Variants in LZTS1 observed in about 807,000 individuals in gnomAD.
LZTS1 encodes leucine zipper putative tumor suppressor 1.
In LZTS1, 31 loss-of-function variants were observed where a neutral mutation model predicts 45.8. That is an observed-to-expected ratio of 0.68 (90% confidence interval 0.51 to 0.91). The LOEUF (loss-of-function observed/expected upper bound fraction) is 0.91. Ranked by LOEUF, LZTS1 falls within the 40% of genes least tolerant of loss-of-function variation. The pLI is 0.00. For synonymous variants in LZTS1, 359 were observed against 357.3 expected (o/e 1.00, Z -0.05); for missense variants, 821 against 788.9 (o/e 1.04, Z -0.49).
chr8:20,298,485 G>C (rs1271979072), intron 1 of LZTS1, among the ~76,000 whole-genome samples: 1 of 152,134 alleles, frequency 6.6e-6, no homozygotes, highest in African/African-American at 2.4e-5. Context: ...TTTTTAAAGT[G>C]TAAAGTCCTG....
intron 1 of LZTS1, among the ~76,000 whole-genome samples, chr8:20,297,130 G>A (rs1800990948): frequency 6.6e-6 from 1 of 152,160 alleles, no homozygotes; most frequent in African/African-American, 2.4e-5. Context: ...TGAGCTACCA[G>A]TGAAGAGACT....
intron 1 of LZTS1, among the ~76,000 whole-genome samples, chr8:20,303,238 T>C (rs1038743986): frequency 6.6e-6 from 1 of 152,112 alleles, no homozygotes; most frequent in Non-Finnish European, 1.5e-5. Context: ...TTCAAATCTC[T>C]GGCTGCAACG....
chr8:20,251,386 C>T (rs545424508), intron 3 of LZTS1, among the ~76,000 whole-genome samples: 88 of 151,958 alleles, frequency 5.8e-4, no homozygotes, highest in African/African-American at 2.0e-3. Flanking sequence ...CGGATTTTCT[C>T]CAGGACTGTG....
intron 1 of LZTS1, among the ~76,000 whole-genome samples, chr8:20,294,747 G>A (rs556262024): frequency 2.0e-5 from 3 of 152,148 alleles, no homozygotes; most frequent in South Asian, 2.1e-4. Context: ...CAATAAATAA[G>A]GGAAGCTACC....
intron 1 of LZTS1, among the ~76,000 whole-genome samples, chr8:20,282,700 T>C (rs1800717477): frequency 6.6e-6 from 1 of 152,218 alleles, no homozygotes; most frequent in Non-Finnish European, 1.5e-5. Context: ...CTACATTCTA[T>C]GTGCCAGTTG....
intron 1 of LZTS1, among the ~76,000 whole-genome samples, chr8:20,280,685 G>C (rs1800671795): frequency 1.3e-5 from 2 of 152,158 alleles, no homozygotes; most frequent in African/African-American, 4.8e-5. Context: ...AGAGCAGGGA[G>C]GGAGGAAGGG....
At chr8:20,278,459 C>T (rs917707098) in intron 1 of LZTS1, among the ~76,000 whole-genome samples, 10 of 152,168 alleles carry the variant, frequency 6.6e-5, no homozygotes, top group African/African-American at 2.2e-4. Flanking sequence ...CAACATAAGA[C>T]CCCAGGTCAA....
intron 1 of LZTS1, among the ~76,000 whole-genome samples, chr8:20,286,965 G>A (rs1021578386): frequency 6.6e-6 from 1 of 152,092 alleles, no homozygotes; most frequent in East Asian, 1.9e-4. Flanking sequence ...GTTTCCGGGG[G>A]GTACTTTTAA....
At chr8:20,276,871 T>C (rs1465146991) in intron 1 of LZTS1, among the ~76,000 whole-genome samples, 3 of 152,158 alleles carry the variant, frequency 2.0e-5, no homozygotes, top group Admixed American at 2.0e-4. Context: ...TGTTACGGTG[T>C]TAGATCAGAG....
chr8:20,270,217 G>A (rs1320000203), intron 1 of LZTS1, among the ~76,000 whole-genome samples: 2 of 152,274 alleles, frequency 1.3e-5, no homozygotes, highest in African/African-American at 4.8e-5. Flanking sequence ...GGGCAGAGCT[G>A]GGCTGGAAGC....
At chr8:20,262,961 G>C (rs1800274030) in intron 1 of LZTS1, among the ~76,000 whole-genome samples, 1 of 152,198 alleles carries the variant, frequency 6.6e-6, no homozygotes, top group Non-Finnish European at 1.5e-5. Context: ...TTCCTCACTT[G>C]TAATATGAAG....
At chr8:20,288,554 C>T (rs1800839227) in intron 1 of LZTS1, among the ~76,000 whole-genome samples, 1 of 152,220 alleles carries the variant, frequency 6.6e-6, no homozygotes, top group Non-Finnish European at 1.5e-5. Flanking sequence ...TGTTACTACC[C>T]CAACTGATGG....
intron 1 of LZTS1, among the ~76,000 whole-genome samples, chr8:20,270,910 G>A (rs1421169593): frequency 6.6e-6 from 1 of 151,838 alleles, no homozygotes; most frequent in African/African-American, 2.4e-5. Context: ...AACCCAGAAA[G>A]GATTGGAATT....
In LZTS1 at chr8:20,252,884, G is replaced by C. The variant is rs748857758; in HGVS notation, c.1047C>G (p.Leu349=). 21 of 1,610,888 alleles carry C rather than the reference G, an allele frequency of 1.3e-5. No individual in the cohort carries two copies. Among genetic ancestry groups the C allele is most frequent in the Admixed American group, 1.7e-5 (1 of 59,862 alleles). Residue 349 remains leucine (L), a synonymous_variant, in exon 3 of 4, where the codon CTC becomes CTG. Coordinates refer to ENST00000381569, the MANE Select transcript of LZTS1 (RefSeq NM_021020.5). ...GGTCCTGCTCCTTCATGAGGCTCTC[G>C]AGCTCCTGCCGGAGCTGCCGCTTCT... The part of the protein sequence containing the change: ...QQEKRQLRQE[L]ESLMKEQDLL...
intron 3 of LZTS1, 60 bp downstream of exon 3, chr8:20,252,722 A>C: frequency 7.1e-7 from 1 of 1,407,684 alleles, no homozygotes; most frequent in South Asian, 1.6e-5. Context: ...CCAGAAGGAG[A>C]GGGGGGTACT....
intron 1 of LZTS1, among the ~76,000 whole-genome samples, chr8:20,261,174 G>A (rs1021025130): frequency 6.6e-6 from 1 of 152,318 alleles, no homozygotes; most frequent in South Asian, 2.1e-4. Flanking sequence ...TCAGGAAGGG[G>A]ACAGGAGGAG....
intron 1 of LZTS1, among the ~76,000 whole-genome samples, chr8:20,264,914 C>G (rs1800316303): frequency 6.6e-6 from 1 of 152,146 alleles, no homozygotes; most frequent in Non-Finnish European, 1.5e-5. Flanking sequence ...AGCCCCTGAT[C>G]TACCAGGGCA....
At chr8:20,285,865 C>T (rs147254744) in intron 1 of LZTS1, among the ~76,000 whole-genome samples, 15 of 152,228 alleles carry the variant, frequency 9.9e-5, no homozygotes, top group African/African-American at 3.4e-4. Flanking sequence ...CAGAAACAAA[C>T]CCAAATATAT....
chr8:20,279,036 G>A (rs1015329273), intron 1 of LZTS1, among the ~76,000 whole-genome samples: 1 of 152,166 alleles, frequency 6.6e-6, no homozygotes, highest in Non-Finnish European at 1.5e-5. Flanking sequence ...GCTCTCATGT[G>A]CCACAGGCAC....
Sources: gnomAD v4.1 joint callset for allele counts (sites outside exome capture counted in the v4.1 genomes callset) on GRCh38, gnomAD v4.1.1 for gene constraint, MANE v1.5 for transcripts, NCBI Gene and HGNC (gene_info 2026-07-23, HGNC 2026-07-21) for gene names.